KCNH5: variants seen among roughly 807,000 people sequenced by gnomAD.
The protein encoded by KCNH5 is potassium voltage-gated channel subfamily H member 5, also known as voltage-gated delayed rectifier potassium channel KCNH5.
In KCNH5, 46 loss-of-function variants were observed where a neutral mutation model predicts 96.1. The ratio of observed to expected loss-of-function variants is 0.48; its 90% CI spans 0.38 to 0.61. The LOEUF (loss-of-function observed/expected upper bound fraction) is 0.61. Ranked by LOEUF, KCNH5 falls within the 20% of genes least tolerant of loss-of-function variation. The probability of loss-of-function intolerance (pLI) is 0.00; values close to 1 mark genes in which losing one functional copy is unlikely to be tolerated. For missense variants in KCNH5, 907 were observed against 1,225.8 expected, an observed-to-expected ratio of 0.74 and a Z score of 3.88; for synonymous variants, 439 against 449.8, an observed-to-expected ratio of 0.98 and a Z score of 0.30.
intron 10 of KCNH5, among the ~76,000 whole-genome samples, chr14:62,741,980 A>G (rs1376801556): frequency 6.6e-6 from 1 of 152,164 alleles, no homozygotes; most frequent in East Asian, 1.9e-4. Context: ...GCTGCTTATC[A>G]GGGTTACAAT....
At chr14:62,910,930 CA>C (rs1355991246) in intron 7 of KCNH5, among the ~76,000 whole-genome samples, 15 of 145,462 alleles carry the variant, frequency 1.0e-4, no homozygotes, top group Admixed American at 5.5e-4. Context: ...CACACACACA[CA>C]CACACACACA....
At chr14:62,760,517 A>G (rs1170006707) in intron 10 of KCNH5, among the ~76,000 whole-genome samples, 1 of 152,200 alleles carries the variant, frequency 6.6e-6, no homozygotes, top group Non-Finnish European at 1.5e-5. Context: ...CGAGTTTCCT[A>G]AAGGACTGTG....
chr14:62,774,471 G>T (rs1277637642), intron 10 of KCNH5, among the ~76,000 whole-genome samples: 1 of 152,150 alleles, frequency 6.6e-6, no homozygotes, highest in Non-Finnish European at 1.5e-5. Context: ...TACACAAATG[G>T]TAAAAATCAT....
chr14:62,723,354 T>C (rs1350243541), intron 10 of KCNH5, among the ~76,000 whole-genome samples: 1 of 152,244 alleles, frequency 6.6e-6, no homozygotes, highest in Non-Finnish European at 1.5e-5. Flanking sequence ...TTATCTTCTA[T>C]TAAGTATTAT....
intron 8 of KCNH5, among the ~76,000 whole-genome samples, chr14:62,803,775 A>G (rs570768059): frequency 2.0e-5 from 3 of 152,244 alleles, no homozygotes; most frequent in African/African-American, 7.2e-5. Flanking sequence ...GGAAGTTAAT[A>G]CCACCCATTT....
At chr14:62,785,612 T>A (rs1406889612) in intron 9 of KCNH5, among the ~76,000 whole-genome samples, 1 of 152,238 alleles carries the variant, frequency 6.6e-6, no homozygotes, top group African/African-American at 2.4e-5. Flanking sequence ...CTATTTATAT[T>A]TTCTCAGTTC....
intron 1 of KCNH5, among the ~76,000 whole-genome samples, chr14:63,021,470 A>G (rs74332307): frequency 0.047 from 7,166 of 152,150 alleles, 194 homozygotes; most frequent in East Asian, 0.061. Flanking sequence ...CTTTTCTGAC[A>G]TCTCTTTGCC....
chr14:62,920,638 G>A (rs917586781), intron 7 of KCNH5, among the ~76,000 whole-genome samples: 1 of 151,980 alleles, frequency 6.6e-6, no homozygotes, highest in African/African-American at 2.4e-5. Flanking sequence ...AAAAATGCTT[G>A]AAACAAACTG....
At chr14:62,759,608 G>A (rs1380290601) in intron 10 of KCNH5, among the ~76,000 whole-genome samples, 1 of 108,736 alleles carries the variant, frequency 9.2e-6, no homozygotes, top group South Asian at 5.2e-4. Flanking sequence ...AGTCTTTTCT[G>A]CTGACAAACT....
intron 10 of KCNH5, among the ~76,000 whole-genome samples, chr14:62,731,544 T>G (rs567133658): frequency 1.3e-5 from 2 of 152,228 alleles, no homozygotes; most frequent in Admixed American, 6.5e-5. Context: ...CTACTAAAAT[T>G]TGAACCTCAC....
intron 7 of KCNH5, among the ~76,000 whole-genome samples, chr14:62,857,323 G>A (rs1243051563): frequency 6.6e-6 from 1 of 152,130 alleles, no homozygotes; most frequent in Non-Finnish European, 1.5e-5. Context: ...TAACATAACA[G>A]TAAAAACAAA....
At chr14:62,894,518 G>A (rs117951561) in intron 7 of KCNH5, among the ~76,000 whole-genome samples, 3,103 of 152,250 alleles carry the variant, frequency 0.02, 55 homozygotes, top group East Asian at 0.08. Flanking sequence ...CAGAACCAAT[G>A]AATTAATCCA....
chr14:62,928,421 T>G (rs1157097948), intron 7 of KCNH5, among the ~76,000 whole-genome samples: 1 of 151,540 alleles, frequency 6.6e-6, no homozygotes, highest in African/African-American at 2.4e-5. Context: ...TGAATAGAGG[T>G]TTCTAGAAAC....
At chr14:62,934,016 T>C (rs1363664134) in intron 7 of KCNH5, among the ~76,000 whole-genome samples, 3 of 152,170 alleles carry the variant, frequency 2.0e-5, no homozygotes, top group Non-Finnish European at 2.9e-5. Context: ...ACTGAATAAA[T>C]TAGCAGTTCA....
intron 1 of KCNH5, among the ~76,000 whole-genome samples, chr14:63,021,473 T>C (rs1891425911): frequency 6.6e-6 from 1 of 152,276 alleles, no homozygotes; most frequent in Non-Finnish European, 1.5e-5. Context: ...TTCTGACATC[T>C]CTTTGCCCAT....
chr14:62,977,261 G>C (rs536963345), intron 6 of KCNH5, among the ~76,000 whole-genome samples: 2 of 152,048 alleles, frequency 1.3e-5, no homozygotes, highest in East Asian at 1.9e-4. Flanking sequence ...CAGCTGCTGG[G>C]GAAGTTGAGG....
At chr14:62,954,946 T>A (rs1418135611) in intron 6 of KCNH5, among the ~76,000 whole-genome samples, 2 of 152,050 alleles carry the variant, frequency 1.3e-5, no homozygotes, top group African/African-American at 2.4e-5. Context: ...TTCAATTATC[T>A]CCAACTGGTC....
At chr14:63,028,751 A>G (rs1239326309) in intron 1 of KCNH5, among the ~76,000 whole-genome samples, 1 of 152,088 alleles carries the variant, frequency 6.6e-6, no homozygotes. Context: ...AGTTAGAATC[A>G]AAAGTAGGTA....
intron 6 of KCNH5, among the ~76,000 whole-genome samples, chr14:62,980,527 G>A (rs1890586000): frequency 6.6e-6 from 1 of 152,198 alleles, no homozygotes; most frequent in South Asian, 2.1e-4. Context: ...AAAAGTAATT[G>A]TGAAAACCAC....
Sources: gnomAD v4.1 joint callset for allele counts (sites outside exome capture counted in the v4.1 genomes callset) on GRCh38, gnomAD v4.1.1 for gene constraint, MANE v1.5 for transcripts, NCBI Gene and HGNC (gene_info 2026-07-23, HGNC 2026-07-21) for gene names.